Variants in CADM1 observed in about 807,000 individuals in gnomAD.
CADM1 encodes the protein TSLC-1.
Under a neutral mutation model 53.1 loss-of-function variants are expected in CADM1, and 15 were observed. That is an observed-to-expected ratio of 0.28 (90% CI 0.19 to 0.44). The LOEUF is 0.44. Among genes scored for constraint, CADM1 ranks in the 20% least tolerant of loss-of-function variants. The probability of loss-of-function intolerance (pLI) is 1.00; values close to 1 mark genes in which losing one functional copy is unlikely to be tolerated. For synonymous variants in CADM1, 281 were observed against 243.0 expected (o/e 1.16, Z -1.45); for missense variants, 434 against 611.3 (o/e 0.71, Z 3.06).
intron 1 of CADM1, among the ~76,000 whole-genome samples, chr11:115,500,372 C>A (rs188523244): frequency 6.6e-6 from 1 of 152,228 alleles, no homozygotes; most frequent in Non-Finnish European, 1.5e-5. Flanking sequence ...TAAAATGTCA[C>A]GTACAGAAAT....
At chr11:115,490,185 A>G (rs1034683103) in intron 1 of CADM1, among the ~76,000 whole-genome samples, 21 of 152,160 alleles carry the variant, frequency 1.4e-4, no homozygotes, top group Admixed American at 5.9e-4. Context: ...AAATGAAACA[A>G]TTAAGGGGCT....
At chr11:115,477,732 C>CA (rs1157531914) in intron 1 of CADM1, among the ~76,000 whole-genome samples, 5 of 152,184 alleles carry the variant, frequency 3.3e-5, no homozygotes, top group African/African-American at 7.2e-5. Flanking sequence ...GACTCCTCTG[C>CA]AAAAAAACAA....
At chr11:115,503,297 T>A (rs1949772870) in intron 1 of CADM1, among the ~76,000 whole-genome samples, 1 of 152,218 alleles carries the variant, frequency 6.6e-6, no homozygotes, top group Non-Finnish European at 1.5e-5. Flanking sequence ...TCCAGCCGAG[T>A]GCTCGGTGTC....
chr11:115,450,845 AT>A (rs1255374027), intron 1 of CADM1, among the ~76,000 whole-genome samples: 1 of 152,202 alleles, frequency 6.6e-6, no homozygotes, highest in African/African-American at 2.4e-5. Flanking sequence ...CACAACAGAA[AT>A]TCTATAAAAG....
intron 10 of CADM1, among the ~76,000 whole-genome samples, chr11:115,183,929 G>C (rs943228164): frequency 1.3e-5 from 2 of 152,202 alleles, no homozygotes; most frequent in African/African-American, 4.8e-5. Context: ...GAAAAGAATT[G>C]TTGCGGACTT....
intron 5 of CADM1, among the ~76,000 whole-genome samples, chr11:115,224,591 G>A (rs1941532527): frequency 6.6e-6 from 1 of 152,078 alleles, no homozygotes; most frequent in African/African-American, 2.4e-5. Flanking sequence ...GGCTATGATG[G>A]GTGAAAGCAG....
intron 1 of CADM1, among the ~76,000 whole-genome samples, chr11:115,358,765 C>T (rs1945946945): frequency 6.6e-6 from 1 of 152,158 alleles, no homozygotes; most frequent in Admixed American, 6.6e-5. Context: ...TGTACCTTTT[C>T]CTTCAAATAT....
chr11:115,190,810 A>G (rs1939812764), intron 10 of CADM1, 78 bp downstream of exon 10: 1 of 1,254,854 alleles, frequency 8.0e-7, no homozygotes, highest in Non-Finnish European at 1.1e-6. Flanking sequence ...TCAGCAAACC[A>G]AATGGCCATT....
intron 1 of CADM1, among the ~76,000 whole-genome samples, chr11:115,391,018 G>A (rs749265170): frequency 4.6e-5 from 7 of 152,086 alleles, no homozygotes; most frequent in African/African-American, 7.2e-5. Flanking sequence ...AATGACTGCC[G>A]ATAGCAAAGC....
In CADM1 at chr11:115,328,723, T is replaced by C. The variant is rs1346288666; in HGVS notation, c.125-88303A>G. 5.5e-5 allele frequency among the ~76,000 whole-genome samples: 7 copies of C among 128,238 alleles called. 1 individual carries two copies. The highest frequency in any genetic ancestry group is 1.4e-4 in the African/African-American group (5 of 34,940). The allele number at this position is 128,238 out of a possible 152,430, so 84.1% of individuals were successfully genotyped here. ...ATATGTATATATATATGTGTATATATATGTATATACATATATATATATATA... is the reference window on the plus strand; with the variant it reads ...ATATGTATATATATATGTGTATATACATGTATATACATATATATATATATA... On this transcript the variant is annotated intron_variant, in intron 1 of 11. Transcript: ENST00000331581.
At chr11:115,339,731 A>C (rs1945373776) in intron 1 of CADM1, among the ~76,000 whole-genome samples, 1 of 152,188 alleles carries the variant, frequency 6.6e-6, no homozygotes, top group African/African-American at 2.4e-5. Flanking sequence ...CCAAAGTTTA[A>C]TTACAAATTG....
At chr11:115,368,295 A>C (rs1281913584) in intron 1 of CADM1, among the ~76,000 whole-genome samples, 1 of 152,022 alleles carries the variant, frequency 6.6e-6, no homozygotes, top group Non-Finnish European at 1.5e-5. Context: ...TAGCAATGAC[A>C]CTTGTGGTGT....
intron 1 of CADM1, among the ~76,000 whole-genome samples, chr11:115,328,726 G>GTATATACATATATATACGCGTATA (rs1945046628): frequency 1.9e-5 from 2 of 102,574 alleles, no homozygotes; most frequent in Non-Finnish European, 3.7e-5. Flanking sequence ...GTATATATAT[G>GTATATACATATATATACGCGTATA]TATATACATA....
At chr11:115,244,167 A>G (rs1300904407) in intron 1 of CADM1, among the ~76,000 whole-genome samples, 1 of 152,272 alleles carries the variant, frequency 6.6e-6, no homozygotes, top group African/African-American at 2.4e-5. Flanking sequence ...TAGGGCACTC[A>G]TCACAATGAA....
At position 115,308,194 on chromosome 11, in the gene CADM1, G is replaced by GTATATA. The variant is rs560354243; in HGVS notation, c.125-67780_125-67775dup. Among the ~76,000 whole-genome samples, 20 of 123,978 alleles carry GTATATA rather than the reference G, an allele frequency of 1.6e-4. No individual in the cohort carries two copies. The East Asian group carries it at 3.0e-3, about 19-fold the overall frequency. The allele number at this position is 123,978 out of a possible 152,430, so 81.3% of individuals were successfully genotyped here. A position where few individuals can be genotyped will look rare whatever the true frequency, so the allele number is the denominator to read the frequency against. ...GTGTGTGTATATCACTCATAGGTGT[G>GTATATA]TATATATATATATATATACACACCT... On this transcript the variant is annotated intron_variant, in intron 1 of 11. Transcript: ENST00000331581.
chr11:115,206,007 C>A (rs1279230692), intron 8 of CADM1, among the ~76,000 whole-genome samples: 1 of 152,194 alleles, frequency 6.6e-6, no homozygotes, highest in Non-Finnish European at 1.5e-5. Context: ...AGACACCTAA[C>A]CTACCAAACA....
At chr11:115,326,695 A>AAG (rs982593215) in intron 1 of CADM1, among the ~76,000 whole-genome samples, 1 of 152,070 alleles carries the variant, frequency 6.6e-6, no homozygotes, top group Non-Finnish European at 1.5e-5. Context: ...ACTAAATGTC[A>AAG]GTTGGTAGCA....
chr11:115,478,646 TAA>T (rs1253456780), intron 1 of CADM1, among the ~76,000 whole-genome samples: 2 of 152,172 alleles, frequency 1.3e-5, no homozygotes, highest in East Asian at 3.8e-4. Flanking sequence ...ACTCAGAAAG[TAA>T]AAGTCCTTCA....
chr11:115,316,809 C>T (rs1944679447), intron 1 of CADM1, among the ~76,000 whole-genome samples: 1 of 152,134 alleles, frequency 6.6e-6, no homozygotes, highest in Admixed American at 6.6e-5. Flanking sequence ...GTTCTACTAA[C>T]ATCTTTTACA....
Sources: gnomAD v4.1 joint callset for allele counts (sites outside exome capture counted in the v4.1 genomes callset) on GRCh38, gnomAD v4.1.1 for gene constraint, MANE v1.5 for transcripts, NCBI Gene and HGNC (gene_info 2026-07-23, HGNC 2026-07-21) for gene names.